DLGAP1: variants seen among roughly 807,000 people sequenced by gnomAD.
The protein encoded by DLGAP1 is disks large-associated protein 1.
DLGAP1 carries 11 observed loss-of-function variants against 90.8 expected under a neutral mutation model. That is an observed-to-expected ratio of 0.12 (90% CI 0.08 to 0.20). The LOEUF (loss-of-function observed/expected upper bound fraction) is 0.20, where lower values mean the gene tolerates loss of function less well. Among genes scored for constraint, DLGAP1 ranks in the 10% least tolerant of loss-of-function variants. DLGAP1 has a pLI of 1.00. For synonymous variants in DLGAP1, 558 were observed against 540.7 expected (o/e 1.03, Z -0.44); for missense variants, 1,050 against 1,333.8 (o/e 0.79, Z 3.31).
At chr18:4,295,039 ATACGGGT>A (rs2079943416) in intron 1 of DLGAP1, 1 of 152,260 alleles carries the variant, frequency 6.6e-6, no homozygotes, top group Non-Finnish European at 1.5e-5. Flanking sequence ...TTCGGAGTTT[ATACGGGT>A]ACAGGACAGG....
chr18:3,972,940 G>C (rs2073483997), intron 3 of DLGAP1, among the ~76,000 whole-genome samples: 2 of 152,226 alleles, frequency 1.3e-5, no homozygotes, highest in African/African-American at 4.8e-5. Flanking sequence ...TATTCTAAAA[G>C]AGGCTCTATT....
chr18:4,142,170 A>G (rs1598473861), intron 2 of DLGAP1, among the ~76,000 whole-genome samples: 2 of 152,200 alleles, frequency 1.3e-5, no homozygotes, highest in African/African-American at 4.8e-5. Flanking sequence ...TACCATTTAA[A>G]CAAATACTCA....
At chr18:3,853,109 TG>T (rs2069437157) in intron 4 of DLGAP1, among the ~76,000 whole-genome samples, 1 of 152,126 alleles carries the variant, frequency 6.6e-6, no homozygotes, top group Non-Finnish European at 1.5e-5. Flanking sequence ...TAATAGGGTC[TG>T]GTCTTTTTCT....
intron 1 of DLGAP1, among the ~76,000 whole-genome samples, chr18:4,261,910 C>G (rs1282041406): frequency 6.6e-6 from 1 of 152,152 alleles, no homozygotes; most frequent in Admixed American, 6.5e-5. Flanking sequence ...AATGAAACAA[C>G]TTTCTAATAA....
At chr18:3,521,115 G>C (rs2051158917) in intron 10 of DLGAP1, among the ~76,000 whole-genome samples, 2 of 152,118 alleles carry the variant, frequency 1.3e-5, no homozygotes, top group African/African-American at 4.8e-5. Context: ...ACTGACCCCA[G>C]ACGCTTTAGA....
chr18:4,390,209 T>C (rs1022344025), intron 1 of DLGAP1, among the ~76,000 whole-genome samples: 1 of 151,500 alleles, frequency 6.6e-6, no homozygotes, highest in African/African-American at 2.4e-5. Flanking sequence ...TCTTAATTAA[T>C]AAATCTTATG....
At chr18:3,816,186 T>C (rs2067095369) in intron 4 of DLGAP1, among the ~76,000 whole-genome samples, 1 of 152,094 alleles carries the variant, frequency 6.6e-6, no homozygotes, top group South Asian at 2.1e-4. Context: ...TCAGAGAAGG[T>C]GAGTAACTTG....
chr18:3,791,747 A>G (rs1371863151), intron 5 of DLGAP1, among the ~76,000 whole-genome samples: 3 of 152,168 alleles, frequency 2.0e-5, no homozygotes, highest in Admixed American at 6.5e-5. Context: ...ATGAAGCACA[A>G]TTGAAATAAG....
intron 1 of DLGAP1, among the ~76,000 whole-genome samples, chr18:4,230,568 G>C (rs1019700257): frequency 6.6e-6 from 1 of 151,660 alleles, no homozygotes; most frequent in Non-Finnish European, 1.5e-5. Flanking sequence ...TTATTTGTAG[G>C]AGCTAAAATT....
chr18:4,179,612 A>C (rs8098323), intron 1 of DLGAP1, among the ~76,000 whole-genome samples: 57,782 of 151,960 alleles, frequency 0.38, 11,272 homozygotes, highest in East Asian at 0.69. Flanking sequence ...ACAGCTGGTT[A>C]TGAGAAGTAT....
chr18:3,562,600 A>AGTGGC (rs1332405330), intron 9 of DLGAP1, among the ~76,000 whole-genome samples: 1 of 133,564 alleles, frequency 7.5e-6, no homozygotes, highest in African/African-American at 2.9e-5. Flanking sequence ...GCTGGAGTGC[A>AGTGGC]GTGGCGTGAT....
chr18:4,125,965 C>T (rs547122683), intron 2 of DLGAP1, among the ~76,000 whole-genome samples: 2 of 152,248 alleles, frequency 1.3e-5, no homozygotes, highest in East Asian at 1.9e-4. Flanking sequence ...GGGCACAAGC[C>T]GCAGTGGGTG....
At chr18:3,719,316 C>CA (rs752920562) in intron 7 of DLGAP1, among the ~76,000 whole-genome samples, 1 of 151,788 alleles carries the variant, frequency 6.6e-6, no homozygotes, top group Non-Finnish European at 1.5e-5. Context: ...CCTGTAATCC[C>CA]AGCACTTTGG....
chr18:4,301,165 A>G (rs2080117005), intron 1 of DLGAP1, among the ~76,000 whole-genome samples: 1 of 152,144 alleles, frequency 6.6e-6, no homozygotes, highest in African/African-American at 2.4e-5. Context: ...AGTGATTTTG[A>G]AATGTACAAT....
intron 2 of DLGAP1, among the ~76,000 whole-genome samples, chr18:4,148,775 TTTG>T (rs3066704): frequency 0.35 from 53,272 of 151,816 alleles, 10,639 homozygotes; most frequent in African/African-American, 0.55. Flanking sequence ...ACTTTAAATG[TTTG>T]TTGTTGTCTG....
At chr18:3,580,216 A>G (rs1363699998) in intron 8 of DLGAP1, 2 of 1,587,752 alleles carry the variant, frequency 1.3e-6, no homozygotes, top group African/African-American at 2.7e-5. Context: ...CTCCGGGTGG[A>G]CATTCCCCTC....
At chr18:3,785,072 T>A (rs1294130468) in intron 5 of DLGAP1, among the ~76,000 whole-genome samples, 1 of 152,232 alleles carries the variant, frequency 6.6e-6, no homozygotes, top group Non-Finnish European at 1.5e-5. Flanking sequence ...TTTTAAATAA[T>A]CTATGCAGCA....
At chr18:3,592,348 C>A (rs927956385) in intron 7 of DLGAP1, among the ~76,000 whole-genome samples, 1 of 152,230 alleles carries the variant, frequency 6.6e-6, no homozygotes, top group Non-Finnish European at 1.5e-5. Flanking sequence ...ATGTGTTATG[C>A]TGGCCGGACT....
intron 1 of DLGAP1, among the ~76,000 whole-genome samples, chr18:4,223,952 T>C (rs1249315386): frequency 6.6e-6 from 1 of 152,202 alleles, no homozygotes; most frequent in Non-Finnish European, 1.5e-5. Context: ...AGTCAGATAA[T>C]AGCTTCAATC....
Sources: gnomAD v4.1 joint callset for allele counts (sites outside exome capture counted in the v4.1 genomes callset) on GRCh38, gnomAD v4.1.1 for gene constraint, MANE v1.5 for transcripts, NCBI Gene and HGNC (gene_info 2026-07-23, HGNC 2026-07-21) for gene names.